Variants in CCDC85A observed in about 807,000 individuals in gnomAD.
CCDC85A encodes coiled-coil domain-containing protein 85A.
Under a neutral mutation model 50.2 loss-of-function variants are expected in CCDC85A, and 38 were observed. That is an observed-to-expected ratio of 0.76 (90% CI 0.58 to 0.99). The LOEUF (loss-of-function observed/expected upper bound fraction) is 0.99. Ranked by LOEUF, CCDC85A falls within the 50% of genes least tolerant of loss-of-function variation. The pLI, the probability that CCDC85A is intolerant of heterozygous loss-of-function variation, is 0.00. For missense variants in CCDC85A, 820 were observed against 742.0 expected, an observed-to-expected ratio of 1.11 and a Z score of -1.22; for synonymous variants, 366 against 301.4, an observed-to-expected ratio of 1.21 and a Z score of -2.22.
chr2:56,366,094 C>T (rs1180630877), intron 3 of CCDC85A, among the ~76,000 whole-genome samples: 2 of 152,152 alleles, frequency 1.3e-5, no homozygotes, highest in Non-Finnish European at 2.9e-5. Context: ...GGATTTCCTT[C>T]GTTTTTAAGG....
At chr2:56,224,751 G>T (rs1668472836) in intron 2 of CCDC85A, among the ~76,000 whole-genome samples, 1 of 152,130 alleles carries the variant, frequency 6.6e-6, no homozygotes, top group South Asian at 2.1e-4. Flanking sequence ...ATTCTTTGGA[G>T]AAATGTCTAT....
intron 2 of CCDC85A, among the ~76,000 whole-genome samples, chr2:56,204,781 C>T (rs1676895592): frequency 6.6e-6 from 1 of 152,200 alleles, no homozygotes. Flanking sequence ...CATTGTTCTA[C>T]CTTCTCTCTG....
At chr2:56,342,810 A>G in intron 2 of CCDC85A, 69 bp from the exon 3 acceptor site, 1 of 1,011,886 alleles carries the variant, frequency 9.9e-7, no homozygotes, top group Non-Finnish European at 1.5e-6. Context: ...AAATCAAGCC[A>G]GAAATATCCT....
At chr2:56,238,326 A>C (rs138631152) in intron 2 of CCDC85A, among the ~76,000 whole-genome samples, 3,020 of 151,940 alleles carry the variant, frequency 0.02, 53 homozygotes, top group South Asian at 0.046. Flanking sequence ...CTGAGGCAGG[A>C]GAATCACTTG....
chr2:56,368,212 C>A (rs1558662188), intron 3 of CCDC85A, among the ~76,000 whole-genome samples: 1 of 152,256 alleles, frequency 6.6e-6, no homozygotes, highest in South Asian at 2.1e-4. Context: ...TGAATAGATT[C>A]TTTAGTTAAT....
intron 2 of CCDC85A, among the ~76,000 whole-genome samples, chr2:56,328,977 A>G (rs1208675622): frequency 6.6e-6 from 1 of 152,114 alleles, no homozygotes. Context: ...AGTACACCAC[A>G]TCCGCCCTTC....
chr2:56,305,803 T>A (rs954304703), intron 2 of CCDC85A, among the ~76,000 whole-genome samples: 8 of 152,244 alleles, frequency 5.3e-5, no homozygotes, highest in Non-Finnish European at 1.0e-4. Flanking sequence ...ATTGCCGAAT[T>A]TATTTCAGTA....
intron 2 of CCDC85A, among the ~76,000 whole-genome samples, chr2:56,262,529 C>T (rs902056964): frequency 6.6e-6 from 1 of 152,066 alleles, no homozygotes; most frequent in Non-Finnish European, 1.5e-5. Flanking sequence ...TCAAGTGTCC[C>T]CAGGTAATCA....
intron 2 of CCDC85A, among the ~76,000 whole-genome samples, chr2:56,235,490 TA>T (rs375013488): frequency 0.15 from 22,193 of 147,902 alleles, 1,718 homozygotes; most frequent in South Asian, 0.24. Context: ...GGGAAAAGAC[TA>T]AAAAAAAAAA....
At chr2:56,191,824 C>T (rs1214630136) in intron 1 of CCDC85A, among the ~76,000 whole-genome samples, 2 of 152,174 alleles carry the variant, frequency 1.3e-5, no homozygotes, top group African/African-American at 4.8e-5. Flanking sequence ...TTGTGCCTTT[C>T]CCTACCAGGG....
At chr2:56,381,965 G>A (rs2104408880) in intron 5 of CCDC85A, among the ~76,000 whole-genome samples, 1 of 151,880 alleles carries the variant, frequency 6.6e-6, no homozygotes, top group Admixed American at 6.6e-5. Context: ...TGCCCCCCTT[G>A]TTTACCTTTA....
chr2:56,238,392 A>C (rs935516506), intron 2 of CCDC85A, among the ~76,000 whole-genome samples: 1 of 150,524 alleles, frequency 6.6e-6, no homozygotes, highest in Non-Finnish European at 1.5e-5. Context: ...CCTCCAGCCT[A>C]GGTGACAGAG....
chr2:56,279,222 A>C (rs937029027), intron 2 of CCDC85A, among the ~76,000 whole-genome samples: 3 of 152,214 alleles, frequency 2.0e-5, no homozygotes, highest in Admixed American at 6.5e-5. Flanking sequence ...TTTGCATTGC[A>C]TTTCCAAAGC....
At chr2:56,273,822 A>G (rs1481631138) in intron 2 of CCDC85A, among the ~76,000 whole-genome samples, 1 of 152,002 alleles carries the variant, frequency 6.6e-6, no homozygotes, top group African/African-American at 2.4e-5. Flanking sequence ...AAAAAAATGG[A>G]GTTTATAGAA....
At chr2:56,204,316 T>A (rs550066233) in intron 2 of CCDC85A, among the ~76,000 whole-genome samples, 2 of 152,340 alleles carry the variant, frequency 1.3e-5, no homozygotes, top group South Asian at 4.1e-4. Context: ...TTTGGAATAA[T>A]AACGACATAT....
chr2:56,355,885 T>C (rs1345952518), intron 3 of CCDC85A, among the ~76,000 whole-genome samples: 1 of 152,158 alleles, frequency 6.6e-6, no homozygotes, highest in Non-Finnish European at 1.5e-5. Flanking sequence ...ATTTGACAGA[T>C]AACAAATAAC....
intron 2 of CCDC85A, among the ~76,000 whole-genome samples, chr2:56,201,310 C>T (rs1676739049): frequency 6.6e-6 from 1 of 151,974 alleles, no homozygotes; most frequent in African/African-American, 2.4e-5. Flanking sequence ...ACCAGTTTTG[C>T]CTGCTGGTAT....
chr2:56,208,523 A>C (rs1677045859), intron 2 of CCDC85A, among the ~76,000 whole-genome samples: 1 of 152,108 alleles, frequency 6.6e-6, no homozygotes, highest in African/African-American at 2.4e-5. Context: ...TCCTGTGTTG[A>C]TGTAAATCAA....
Position 56,324,724 on chromosome 2 carries a change from C to G in CCDC85A, c.1241-18155C>G, listed in dbSNP as rs79617207. Among the ~76,000 whole-genome samples, 1,287 of 152,062 alleles carry G rather than the reference C, an allele frequency of 8.5e-3. 17 individuals carry two copies. Among genetic ancestry groups the G allele is most frequent in the African/African-American group, 0.03 (1,230 of 41,506 alleles). On this transcript the variant is annotated intron_variant, in intron 2 of 5. Transcript: ENST00000407595. The stretch of plus-strand genomic sequence containing the variant: ...CAACTGCTTGTATTTTCTTTTAGCT[C>G]TCCTAGTCTTGAATTTTACAGAGAT...
Sources: gnomAD v4.1 joint callset for allele counts (sites outside exome capture counted in the v4.1 genomes callset) on GRCh38, gnomAD v4.1.1 for gene constraint, MANE v1.5 for transcripts, NCBI Gene and HGNC (gene_info 2026-07-23, HGNC 2026-07-21) for gene names.